Variants in THBS4 observed in about 807,000 individuals in gnomAD.
The protein encoded by THBS4 is thrombospondin 4, also known as thrombospondin-4.
In THBS4, 90 loss-of-function variants were observed where a neutral mutation model predicts 115.7. The ratio of observed to expected loss-of-function variants is 0.78; its 90% CI spans 0.66 to 0.93. The LOEUF (loss-of-function observed/expected upper bound fraction) is 0.93, where lower values mean the gene tolerates loss of function less well. Ranked by LOEUF, THBS4 falls within the 40% of genes least tolerant of loss-of-function variation. The pLI, the probability that THBS4 is intolerant of heterozygous loss-of-function variation, is 0.00. For missense variants in THBS4, 1,087 were observed against 1,232.7 expected (o/e 0.88, Z 1.77); for synonymous variants, 460 against 479.3 (o/e 0.96, Z 0.53).
chr5:80,058,654 C>A, intron 4 of THBS4, 54 bp from the exon 5 acceptor site: 1 of 1,549,264 alleles, frequency 6.5e-7, no homozygotes, highest in Non-Finnish European at 8.9e-7. Flanking sequence ...TTTTGAGTCA[C>A]TTAGAAATGA....
At chr5:80,005,830 G>T (rs1054869589) in intron 2 of THBS4, among the ~76,000 whole-genome samples, 2 of 145,784 alleles carry the variant, frequency 1.4e-5, no homozygotes, top group Non-Finnish European at 3.0e-5. Context: ...GCAGTGGCGC[G>T]ATCTCGGCTC....
At chr5:80,076,811 C>T (rs368494250) in intron 15 of THBS4, 44 bp from the exon 16 acceptor site, 2 of 1,453,078 alleles carry the variant, frequency 1.4e-6, no homozygotes, top group African/African-American at 1.4e-5. Flanking sequence ...CCTTCCTGTT[C>T]CCTGCTGAAC....
rs148500210 is a variant in THBS4 at position 79,996,146 on chromosome 5, A to C, written n.82-2186A>C. On this transcript the variant is annotated intron_variant and non_coding_transcript_variant, in intron 1 of 3. Coordinates refer to the THBS4 transcript ENST00000510218. ...AGTGACTCTGTCACACATACACACA[A>C]AAAAAAAGGCGGAATAATTTAGAGA... 5.2e-3 allele frequency among the ~76,000 whole-genome samples: 772 copies of C among 148,700 alleles called. 5 individuals are homozygous for C. Among genetic ancestry groups the C allele is most frequent in the African/African-American group, 0.015 (580 of 38,504 alleles).
At chr5:79,991,369 T>G in exon 1 of THBS4, 1 of 814,880 alleles carries the variant, frequency 1.2e-6, no homozygotes, top group Non-Finnish European at 1.9e-6. Flanking sequence ...AAACAACGAC[T>G]GGAGGGATTA....
rs990702161 is a variant in THBS4 at position 80,059,780 on chromosome 5, C to A, written c.862C>A (p.Arg288Ser). The change falls in exon 7 of 22, where the codon CGT (arginine) becomes AGT (serine). Residue 288 changes from arginine to serine, a missense_variant. By Grantham distance (110) the Arg-to-Ser change is moderately radical. Around this residue, in one of 3 missense-constraint regions of THBS4, gnomAD observed 979 missense variants for 1,103.7 expected, o/e 0.89. Coordinates refer to ENST00000350881, the MANE Select transcript of THBS4 (RefSeq NM_003248.6). The stretch of plus-strand genomic sequence containing the variant: ...CCCTGCACCGCCAACACGCCCACCT[C>A]GTCGGTGTGACTCCAACCCATGTTT... ...APPAPPTRPP[R>S]RCDSNPCFRG... 2 of 1,614,210 alleles carry A rather than the reference C, an allele frequency of 1.2e-6. No individual in the cohort carries two copies. Among genetic ancestry groups the A allele is most frequent in the African/African-American group, 1.3e-5 (1 of 75,050 alleles).
At chr5:80,006,119 AT>A (rs962226478) in intron 2 of THBS4, among the ~76,000 whole-genome samples, 22 of 152,156 alleles carry the variant, frequency 1.4e-4, no homozygotes, top group Non-Finnish European at 2.1e-4. Context: ...AAAAGTAAAG[AT>A]TTCCAGAAAA....
Position 80,046,721 on chromosome 5 carries a change from T to TA in THBS4, c.292+6447dup, listed in dbSNP as rs60662137. On this transcript the variant is annotated intron_variant, in intron 2 of 21. Transcript: ENST00000350881. ...GCTTATTATACCTTTCTAAATAATA[T>TA]AAAAAAGAACGAGCTAGGTAATAGT... Among the ~76,000 whole-genome samples the TA allele has an allele frequency of 4.2e-3, 643 of 152,238 alleles. 3 individuals carry two copies. Among genetic ancestry groups the TA allele is most frequent in the African/African-American group, 0.015 (617 of 41,542 alleles).
At chr5:80,009,240 C>T (rs1832075011) in intron 2 of THBS4, among the ~76,000 whole-genome samples, 1 of 152,164 alleles carries the variant, frequency 6.6e-6, no homozygotes, top group Non-Finnish European at 1.5e-5. Flanking sequence ...AACTGAAATT[C>T]CAACCTAGAC....
chr5:80,075,123 T>C (rs923585318), intron 15 of THBS4: 1 of 152,248 alleles, frequency 6.6e-6, no homozygotes, highest in African/African-American at 2.4e-5. Context: ...GGTAAATAGT[T>C]ATTATACTGC....
At chr5:80,058,821 C>T (rs752247784) in intron 5 of THBS4, 31 bp downstream of exon 5, 209 of 1,600,418 alleles carry the variant, frequency 1.3e-4, no homozygotes, top group Non-Finnish European at 1.7e-4. Context: ...TCAGAAAAGC[C>T]CTCGTCTTCT....
intron 2 of THBS4, among the ~76,000 whole-genome samples, chr5:80,007,566 A>G (rs1832043391): frequency 6.6e-6 from 1 of 152,196 alleles, no homozygotes; most frequent in Admixed American, 6.5e-5. Context: ...GAACGTGGCT[A>G]CTACTCAGAT....
Position 80,061,816 on chromosome 5 carries a change from C to CCAAGT in THBS4, c.1113_1117dup (p.Asn373SerfsTer45). 6.2e-7 allele frequency: 1 copy of CCAAGT among 1,608,010 alleles called. No individual in the cohort carries two copies. On this transcript the variant is annotated frameshift_variant, in exon 8 of 22. Coordinates refer to ENST00000350881, the MANE Select transcript of THBS4 (RefSeq NM_003248.6). LOFTEE classifies it high-confidence loss of function. ...GTGCAGGGTGTTGGGATCAGTTTTGCCAAGTCAAACAAGCAGGTAGGCTGA... is the reference window on the plus strand; with the variant it reads ...GTGCAGGGTGTTGGGATCAGTTTTGCCAAGTCAAGTCAAACAAGCAGGTAGGCTGA...
rs146896502 is a variant in THBS4, at chr5:80,010,534, A to G, written n.177+12107A>G. On this transcript the variant is annotated intron_variant and non_coding_transcript_variant, in intron 2 of 3. Coordinates refer to the THBS4 transcript ENST00000510218. ...CTCACCACTACCCTCACTCTGTCCC[A>G]ATCTGTAGAAAGGTAGGCAGAGAGG... Among the ~76,000 whole-genome samples the G allele has an allele frequency of 3.9e-4, 59 of 152,312 alleles. No homozygotes were observed. The East Asian group carries it at 0.011, about 29-fold the overall frequency.
chr5:80,013,612 C>T (rs962140932), intron 2 of THBS4, among the ~76,000 whole-genome samples: 1 of 152,008 alleles, frequency 6.6e-6, no homozygotes, highest in Non-Finnish European at 1.5e-5. Flanking sequence ...ACAGCCTGCC[C>T]AGGGTATATT....
chr5:80,055,748 C>T (rs1235106777), intron 2 of THBS4, 37 bp from the exon 3 acceptor site: 4 of 1,589,018 alleles, frequency 2.5e-6, no homozygotes, highest in Non-Finnish European at 2.6e-6. Context: ...CCCTCTGCCA[C>T]TTATCACACC....
chr5:80,014,404 C>T (rs771644801), intron 2 of THBS4, among the ~76,000 whole-genome samples: 4 of 152,110 alleles, frequency 2.6e-5, no homozygotes, highest in East Asian at 1.9e-4. Flanking sequence ...AGTGGTCCCT[C>T]GCAGATGTGG....
Position 80,082,965 on chromosome 5 carries a change from G to A in THBS4, c.2825-115G>A, listed in dbSNP as rs1743597656. ...AGAAAATGGCGGCGAGGGCCTGCGG[G>A]GCGTCCTGGGCGGGCTAACAGCGCC... On this transcript the variant is annotated intron_variant, in intron 21 of 21. Coordinates refer to ENST00000350881, the MANE Select transcript of THBS4 (RefSeq NM_003248.6). 1.7e-5 allele frequency: 10 copies of A among 596,300 alleles called. No homozygotes were observed. The South Asian group carries it at 2.6e-4, about 15-fold the overall frequency. The allele number at this position is 596,300 out of a possible 1,614,324, so 36.9% of individuals were successfully genotyped here. A position where few individuals can be genotyped will look rare whatever the true frequency, so the allele number is the denominator to read the frequency against.
upstream of THBS4, chr5:80,033,052 C>T (rs551427021): frequency 4.0e-5 from 7 of 173,620 alleles, no homozygotes; most frequent in Non-Finnish European, 6.9e-5. Context: ...GAACACCGTG[C>T]GTCTGGTGTG....
chr5:80,034,480 A>AT (rs1832648451), upstream of THBS4, among the ~76,000 whole-genome samples: 1 of 152,268 alleles, frequency 6.6e-6, no homozygotes, highest in African/African-American at 2.4e-5. Context: ...TTTATCAAAT[A>AT]TTTTTTCCTC....
Sources: allele counts gnomAD v4.1 joint callset (sites outside exome capture counted in the v4.1 genomes callset), GRCh38; gene constraint gnomAD v4.1.1; regional missense constraint gnomAD v4.1.1; transcripts MANE v1.5; gene names NCBI Gene and HGNC (gene_info 2026-07-23, HGNC 2026-07-21).